The following VEPH1 variants were observed in gnomAD, a reference collection of about 807,000 sequenced individuals.
VEPH1 encodes ventricular zone expressed PH domain containing 1.
A neutral mutation model predicts 85.2 loss-of-function variants in VEPH1; 80 were observed. That is an observed-to-expected ratio of 0.94 (90% confidence interval 0.78 to 1.13). VEPH1 has a LOEUF of 1.13. VEPH1 is among the 50% of genes most tolerant of loss of function. VEPH1 has a pLI of 0.00. For missense variants in VEPH1, 955 were observed against 980.5 expected (o/e 0.97, Z 0.35); for synonymous variants, 297 against 348.0 (o/e 0.85, Z 1.63).
intron 5 of VEPH1, among the ~76,000 whole-genome samples, chr3:157,425,228 T>C (rs970802960): frequency 6.6e-6 from 1 of 152,232 alleles, no homozygotes; most frequent in Non-Finnish European, 1.5e-5. Context: ...AATTGAGGTT[T>C]GGGAACCTCT....
At chr3:157,443,385 G>T in intron 4 of VEPH1, 1 of 149,804 alleles carries the variant, frequency 6.7e-6, no homozygotes, top group South Asian at 2.0e-4. Flanking sequence ...CATTGTTATT[G>T]GTATGTACCT....
chr3:157,392,300 A>G (rs1255185604), intron 6 of VEPH1, among the ~76,000 whole-genome samples: 5 of 152,222 alleles, frequency 3.3e-5, no homozygotes, highest in Non-Finnish European at 7.3e-5. Flanking sequence ...CATGTCTTAC[A>G]TGGATGGCAG....
chr3:157,331,974 T>G (rs571275195), intron 9 of VEPH1, among the ~76,000 whole-genome samples: 3 of 152,316 alleles, frequency 2.0e-5, no homozygotes, highest in African/African-American at 7.2e-5. Flanking sequence ...CTTAAGCAAA[T>G]TTTGTTTTCT....
intron 1 of VEPH1, among the ~76,000 whole-genome samples, chr3:157,495,753 G>A (rs1191462671): frequency 6.6e-6 from 1 of 152,118 alleles, no homozygotes; most frequent in East Asian, 1.9e-4. Context: ...TGAGCCCTAC[G>A]CTTTTCTCCT....
At chr3:157,304,739 T>C (rs1268844470) in intron 11 of VEPH1, among the ~76,000 whole-genome samples, 1 of 152,172 alleles carries the variant, frequency 6.6e-6, no homozygotes, top group Non-Finnish European at 1.5e-5. Flanking sequence ...TAACTTAAAG[T>C]AATATTTTTT....
intron 9 of VEPH1, among the ~76,000 whole-genome samples, chr3:157,320,878 A>G (rs1721273563): frequency 1.3e-5 from 2 of 151,878 alleles, no homozygotes; most frequent in Admixed American, 1.3e-4. Flanking sequence ...TTCTTCTGCC[A>G]CTCCTCCTCC....
chr3:157,313,837 T>G, intron 10 of VEPH1, 82 bp from the exon 11 acceptor site: 1 of 1,519,968 alleles, frequency 6.6e-7, no homozygotes, highest in Admixed American at 1.9e-5. Flanking sequence ...AGGCACTGTT[T>G]AGGCTTGGTT....
chr3:157,488,943 TCTTTCTC>T (rs1178487367), intron 2 of VEPH1: 2 of 262,854 alleles, frequency 7.6e-6, no homozygotes, highest in Non-Finnish European at 1.6e-5. Context: ...TCTCTCTCTC[TCTTTCTC>T]TCTCCCCCTT....
intron 4 of VEPH1, among the ~76,000 whole-genome samples, chr3:157,457,985 G>T (rs1040205692): frequency 2.0e-5 from 3 of 152,088 alleles, no homozygotes; most frequent in African/African-American, 7.2e-5. Flanking sequence ...CTGTGAATCT[G>T]TCTGGTCCCA....
At chr3:157,486,493 A>T (rs561174381) in intron 2 of VEPH1, among the ~76,000 whole-genome samples, 10 of 151,640 alleles carry the variant, frequency 6.6e-5, no homozygotes, top group Non-Finnish European at 4.4e-5. Flanking sequence ...CTCAAAAAAA[A>T]AAAAAAAGAG....
intron 9 of VEPH1, among the ~76,000 whole-genome samples, chr3:157,318,894 C>G (rs750571356): frequency 2.0e-5 from 3 of 152,034 alleles, no homozygotes; most frequent in Middle Eastern, 3.4e-3. Context: ...AGCAAACAAA[C>G]AAAATAATAA....
In VEPH1 at chr3:157,272,670, G is replaced by A. The variant is rs184308918; in HGVS notation, c.2129-7008C>T. On this transcript the variant is annotated intron_variant, in intron 12 of 13. Transcript: ENST00000362010. ...TGTAGAAATGGGGTTAGGCCATGTC[G>A]CCCATGGTCCTCAAACTCCTGGGCT... is the stretch of plus-strand genomic sequence containing the variant. Among the ~76,000 whole-genome samples the A allele has an allele frequency of 1.8e-4, 27 of 151,696 alleles. No individual in the cohort carries two copies. In the East Asian group the frequency reaches 5.0e-3, roughly 28 times the overall value.
chr3:157,369,180 G>GAAAAAAAAAACAAA (rs1727122823), intron 7 of VEPH1, among the ~76,000 whole-genome samples: 1 of 42,780 alleles, frequency 2.3e-5, no homozygotes, highest in Admixed American at 4.9e-4. Context: ...AAAACCAAAT[G>GAAAAAAAAAACAAA]AAAAAAAAAA....
intron 9 of VEPH1, among the ~76,000 whole-genome samples, chr3:157,339,950 T>G (rs1723347187): frequency 6.6e-6 from 1 of 152,224 alleles, no homozygotes; most frequent in Non-Finnish European, 1.5e-5. Flanking sequence ...TATTTATATT[T>G]AATTTGTTAT....
At chr3:157,475,262 G>A (rs1404220672) in intron 2 of VEPH1, among the ~76,000 whole-genome samples, 1 of 150,836 alleles carries the variant, frequency 6.6e-6, no homozygotes, top group Non-Finnish European at 1.5e-5. Flanking sequence ...CAAAGTGCTG[G>A]GATTATAAGT....
At chr3:157,412,249 G>C (rs1021118211) in intron 6 of VEPH1, among the ~76,000 whole-genome samples, 3 of 152,136 alleles carry the variant, frequency 2.0e-5, no homozygotes, top group Admixed American at 1.3e-4. Flanking sequence ...CCTTATAACA[G>C]TGCAAGAATA....
At chr3:157,324,810 A>G (rs1189983470) in intron 9 of VEPH1, among the ~76,000 whole-genome samples, 1 of 152,186 alleles carries the variant, frequency 6.6e-6, no homozygotes, top group East Asian at 1.9e-4. Flanking sequence ...ACGTGCATGT[A>G]TATTTTTAAT....
intron 7 of VEPH1, among the ~76,000 whole-genome samples, chr3:157,377,184 G>A (rs962877088): frequency 2.0e-5 from 3 of 152,148 alleles, no homozygotes; most frequent in African/African-American, 7.2e-5. Context: ...ACTGAGAGAA[G>A]TATTTTCAAT....
chr3:157,346,917 A>G (rs144327536), intron 9 of VEPH1, among the ~76,000 whole-genome samples: 37 of 152,290 alleles, frequency 2.4e-4, no homozygotes, highest in African/African-American at 8.9e-4. Flanking sequence ...TGCCTAGCCT[A>G]AATTTTGAAT....
Sources: gnomAD v4.1 joint callset for allele counts (sites outside exome capture counted in the v4.1 genomes callset) on GRCh38, gnomAD v4.1.1 for gene constraint, MANE v1.5 for transcripts, NCBI Gene and HGNC (gene_info 2026-07-23, HGNC 2026-07-21) for gene names.